RAB13: variants seen among roughly 807,000 people sequenced by gnomAD.
RAB13 encodes the protein RAB13, member RAS oncogene family.
A neutral mutation model predicts 29.3 loss-of-function variants in RAB13; 15 were observed. The observed-to-expected ratio is 0.51, with a 90% CI of 0.34 to 0.79. The LOEUF is 0.79. RAB13 is among the 30% of genes least tolerant of loss of function. RAB13 has a pLI of 0.01. For missense variants in RAB13, 186 were observed against 255.5 expected, an observed-to-expected ratio of 0.73 and a Z score of 1.85; for synonymous variants, 82 against 93.8, an observed-to-expected ratio of 0.87 and a Z score of 0.73.
chr1:153,982,340 T>TACAC (rs752731240), intron 7 of RAB13, 51 bp downstream of exon 7: 5 of 1,370,170 alleles, frequency 3.6e-6, no homozygotes, highest in South Asian at 1.2e-5. Flanking sequence ...CACACATACA[T>TACAC]ACACACACAC....
chr1:153,985,260 A>C, intron 1 of RAB13: 1 of 986,630 alleles, frequency 1.0e-6, no homozygotes. Context: ...GGCACTAGGA[A>C]AGTCTGAGGC....
rs926310870 is a variant in RAB13, at chr1:153,986,130, G to C, written c.107C>G (p.Thr36Ser). ...GGGCTCACCGATGGTGGAGATGTAAGTGTTGTTGAAGTTGTCCTCTGCAAA... is the reference window on the plus strand; with the variant it reads ...GGGCTCACCGATGGTGGAGATGTAACTGTTGTTGAAGTTGTCCTCTGCAAA... ...IRFAEDNFNN[T>S]YISTIGIDFK... Residue 36 changes from threonine to serine, a missense_variant, in exon 1 of 8, where the codon ACT becomes AGT. Physicochemically the swap from Thr to Ser is moderately conservative, Grantham distance 58 (BLOSUM62 1). Coordinates refer to ENST00000368575, the MANE Select transcript of RAB13 (RefSeq NM_002870.5). 7.4e-6 allele frequency: 12 copies of C among 1,613,728 alleles called. No individual in the cohort carries two copies. The highest frequency in any genetic ancestry group is 1.0e-5 in the Non-Finnish European group (12 of 1,179,988).
At chr1:153,985,066 C>T in intron 1 of RAB13, 1 of 1,143,724 alleles carries the variant, frequency 8.7e-7, no homozygotes, top group Non-Finnish European at 1.1e-6. Context: ...TGGGTCCATT[C>T]AGTTATACCA....
In RAB13 at chr1:153,982,761, G is replaced by A; in HGVS notation, c.372C>T (p.Asp124=). 6.2e-7 allele frequency: 1 copy of A among 1,614,148 alleles called. No homozygotes were observed. The highest frequency in any genetic ancestry group is 2.2e-5 in the East Asian group (1 of 44,880). Residue 124 remains aspartate, a synonymous_variant, in exon 5 of 8, where the codon GAC becomes GAT. Transcript: ENST00000368575. ...TCTGCACCTTCCTCTTGGCCTCCAT[G>A]TCACATTTGTTCCCCAGCAAGAGGC... The part of the protein sequence containing the change: ...VERLLLGNKC[D]MEAKRKVQKE...
upstream of RAB13, among the ~76,000 whole-genome samples, chr1:153,986,634 T>A (rs1262157238): frequency 1.3e-5 from 2 of 151,768 alleles, no homozygotes; most frequent in East Asian, 3.9e-4. Flanking sequence ...AGAAGAGAAA[T>A]TTTAGAGGGA....
chr1:153,985,886 T>C (rs1649148321), intron 1 of RAB13: 2 of 555,740 alleles, frequency 3.6e-6, no homozygotes, highest in Admixed American at 3.8e-5. Flanking sequence ...ACCAAGAAAA[T>C]GAGGAGCTGG....
chr1:153,983,138 G>T, intron 4 of RAB13, 81 bp downstream of exon 4: 2 of 1,231,850 alleles, frequency 1.6e-6, no homozygotes, highest in Non-Finnish European at 1.2e-6. Context: ...AAAAAAAAAA[G>T]TTAGGTCTTG....
chr1:153,983,195 C>T, intron 4 of RAB13, 24 bp downstream of exon 4: 2 of 1,594,820 alleles, frequency 1.3e-6, no homozygotes, highest in Non-Finnish European at 1.7e-6. Context: ...ACCAGTTTCC[C>T]CATCTCTTTT....
At chr1:153,989,249 A>C (rs908535551), upstream of RAB13, among the ~76,000 whole-genome samples, 1 of 125,484 alleles carries the variant, frequency 8.0e-6, no homozygotes, top group African/African-American at 2.9e-5. Context: ...AATTATTATT[A>C]TTATTATTAT....
At chr1:153,987,774 CAAAAAA>C (rs60689643), upstream of RAB13, among the ~76,000 whole-genome samples, 13 of 54,320 alleles carry the variant, frequency 2.4e-4, no homozygotes, top group South Asian at 3.5e-3. Context: ...ACTGCTTCGA[CAAAAAA>C]AAAAAAAAAA....
intron 4 of RAB13, 107 bp from the exon 5 acceptor site, chr1:153,982,915 C>G: frequency 9.2e-7 from 1 of 1,092,734 alleles, no homozygotes; most frequent in Non-Finnish European, 1.4e-6. Flanking sequence ...TCACCTGATG[C>G]AGGAGTTCAA....
Position 153,984,755 on chromosome 1 carries a change from C to A in RAB13, c.151G>T (p.Asp51Tyr). 6.2e-7 allele frequency: 1 copy of A among 1,613,666 alleles called. No individual in the cohort carries two copies. Among genetic ancestry groups the A allele is most frequent in the South Asian group, 1.1e-5 (1 of 90,980 alleles). ...IGIDFKIRTV[D>Y]IEGKKIKLQV... ...AGTTTGATCTTCTTCCCCTCTATAT[C>A]CACAGTGCGGATCTTGAAATCAATT... The change falls in exon 2 of 8, where the codon GAT (aspartate) becomes TAT (tyrosine). Residue 51 changes from aspartate (D) to tyrosine (Y), a missense_variant. Physicochemically the swap from Asp to Tyr is radical, Grantham distance 160 (BLOSUM62 -3). Transcript: ENST00000368575.
upstream of RAB13, among the ~76,000 whole-genome samples, chr1:153,988,587 G>A (rs552345549): frequency 3.4e-5 from 5 of 148,814 alleles, no homozygotes; most frequent in African/African-American, 1.2e-4. Flanking sequence ...CACCGCGCCC[G>A]GCCTATTTTT....
At chr1:153,989,249 A>T (rs908535551), upstream of RAB13, among the ~76,000 whole-genome samples, 1 of 125,518 alleles carries the variant, frequency 8.0e-6, no homozygotes, top group Non-Finnish European at 1.7e-5. Flanking sequence ...AATTATTATT[A>T]TTATTATTAT....
chr1:153,982,981 C>T (rs779771794), intron 4 of RAB13, 173 bp from the exon 5 acceptor site: 45 of 739,884 alleles, frequency 6.1e-5, no homozygotes, highest in Non-Finnish European at 9.9e-5. Context: ...CAAAATTAGC[C>T]GAGCATGGTG....
Position 153,986,295 on chromosome 1 carries a change from C to G in RAB13, c.-59G>C. The G allele has an allele frequency of 1.4e-6, 2 of 1,462,078 alleles. No homozygotes were observed. Among genetic ancestry groups the G allele is most frequent in the African/African-American group, 1.4e-5 (1 of 72,336 alleles). The allele number at this position is 1,462,078 out of a possible 1,614,324, so 90.6% of individuals were successfully genotyped here. ...GAGCGCCCGGCACTGGTAGGCGGGA[C>G]TGGACGGTTGGCAAACAGAGCGGCA... On this transcript the variant is annotated 5_prime_UTR_variant, in exon 1 of 8. Coordinates refer to ENST00000368575, the MANE Select transcript of RAB13 (RefSeq NM_002870.5).
At chr1:153,986,497 C>T, upstream of RAB13, 4 of 483,650 alleles carry the variant, frequency 8.3e-6, no homozygotes, top group South Asian at 8.4e-5. Flanking sequence ...CGGCCTGTCT[C>T]TCTCGCTATT....
chr1:153,985,954 A>C, intron 1 of RAB13, 159 bp downstream of exon 1: 1 of 1,325,522 alleles, frequency 7.5e-7, no homozygotes. Context: ...GTTACTATAC[A>C]GAGACATGCA....
upstream of RAB13, among the ~76,000 whole-genome samples, chr1:153,987,038 A>G (rs753338554): frequency 5.9e-5 from 9 of 152,164 alleles, no homozygotes; most frequent in Non-Finnish European, 8.8e-5. Flanking sequence ...CCCATGTGTG[A>G]TTTCTCTGAC....
Sources: allele counts gnomAD v4.1 joint callset (sites outside exome capture counted in the v4.1 genomes callset), GRCh38; gene constraint gnomAD v4.1.1; transcripts MANE v1.5; gene names NCBI Gene and HGNC (gene_info 2026-07-23, HGNC 2026-07-21).